Variants in TMEM245 observed in about 807,000 individuals in gnomAD.
TMEM245 encodes protein CG-2.
TMEM245 carries 69 observed loss-of-function variants against 101.2 expected under a neutral mutation model. The observed-to-expected ratio is 0.68, with a 90% confidence interval of 0.56 to 0.83. TMEM245 has a LOEUF of 0.83. Ranked by LOEUF, TMEM245 falls within the 40% of genes least tolerant of loss-of-function variation. The probability of loss-of-function intolerance (pLI) is 0.00; values close to 1 mark genes in which losing one functional copy is unlikely to be tolerated. For synonymous variants in TMEM245, 537 were observed against 449.8 expected, an observed-to-expected ratio of 1.19 and a Z score of -2.45; for missense variants, 1,075 against 1,092.8, an observed-to-expected ratio of 0.98 and a Z score of 0.23.
chr9:109,082,916 T>C (rs547683849), intron 7 of TMEM245, among the ~76,000 whole-genome samples: 8 of 152,214 alleles, frequency 5.3e-5, no homozygotes, highest in Non-Finnish European at 7.4e-5. Flanking sequence ...GGATGTTTCA[T>C]TGAAATTTAA....
At position 109,087,458 on chromosome 9, in the gene TMEM245, G is replaced by A. The variant is rs1028476313; in HGVS notation, c.1151-116C>T. On this transcript the variant is annotated intron_variant, in intron 5 of 17. Coordinates refer to ENST00000374586, the MANE Select transcript of TMEM245 (RefSeq NM_032012.4). ...AAAACAACAAAGCTAGTATTAAAAA[G>A]AAGATCAATGTTAAAAAGCAGGGTG... The A allele has an allele frequency of 2.6e-5, 27 of 1,041,948 alleles. No individual in the cohort carries two copies. The African/African-American group carries it at 4.4e-4, about 17-fold the overall frequency. 64.5% of individuals were successfully genotyped at this position (1,041,948 alleles called of 1,614,324 possible).
chr9:109,057,308 A>G lies in TMEM245; in HGVS notation c.1737T>C (p.Ser579=). 1 of 1,614,056 alleles carries G rather than the reference A, an allele frequency of 6.2e-7. No homozygotes were observed. Residue 579 remains serine (S), a synonymous_variant, in exon 12 of 18, where the codon TCT becomes TCC. Coordinates refer to ENST00000374586, the MANE Select transcript of TMEM245 (RefSeq NM_032012.4). ...HSWFVKNVTH[S]GRHKGQKLHV... Reference sequence around the variant, plus strand: ...GCAACTTCTGTCCTTTGTGCCTTCCAGAGTGTGTTACATTCTATGGAATAA... The same window carrying G: ...GCAACTTCTGTCCTTTGTGCCTTCCGGAGTGTGTTACATTCTATGGAATAA...
chr9:109,031,463 T>C (rs562970237), intron 17 of TMEM245, among the ~76,000 whole-genome samples: 54 of 152,226 alleles, frequency 3.5e-4, no homozygotes, highest in Middle Eastern at 3.4e-3. Flanking sequence ...CATCCAACAA[T>C]ATGAATGAAT....
intron 1 of TMEM245, among the ~76,000 whole-genome samples, chr9:109,115,922 G>C (rs542191055): frequency 2.6e-5 from 4 of 152,272 alleles, no homozygotes; most frequent in East Asian, 3.9e-4. Flanking sequence ...GATAACAGCA[G>C]GACTTCAACT....
At chr9:109,052,734 A>G (rs1386345329) in intron 12 of TMEM245, among the ~76,000 whole-genome samples, 1 of 152,222 alleles carries the variant, frequency 6.6e-6, no homozygotes, top group African/African-American at 2.4e-5. Context: ...GTTCCAAGAA[A>G]CAAGCCAACA....
At chr9:109,107,218 T>C (rs1830451574) in intron 2 of TMEM245, among the ~76,000 whole-genome samples, 1 of 150,006 alleles carries the variant, frequency 6.7e-6, no homozygotes, top group Non-Finnish European at 1.5e-5. Flanking sequence ...TGAAATCCCA[T>C]CTCCACTAAA....
chr9:109,020,477 T>A lies in TMEM245; in HGVS notation c.2623A>T (p.Lys875Ter), dbSNP rs367627454. The part of the protein sequence containing the change: ...RTFRDISEDL[K>*]SSVG ...AAACCACATCAACCTACTGAAGATT[T>A]CAGATCTTCAGAAATGTCACGGAAA... Residue 875 changes from lysine to a stop codon, truncating the protein, a stop_gained, in exon 18 of 18, where the codon AAA becomes TAA. Coordinates refer to ENST00000374586, the MANE Select transcript of TMEM245 (RefSeq NM_032012.4). LOFTEE classifies it high-confidence loss of function. The A allele has an allele frequency of 4.3e-6, 7 of 1,613,990 alleles. No homozygotes were observed. The highest frequency in any genetic ancestry group is 1.7e-5 in the Admixed American group (1 of 60,006).
At chr9:109,058,381 T>C (rs959576195) in intron 11 of TMEM245, among the ~76,000 whole-genome samples, 2 of 152,030 alleles carry the variant, frequency 1.3e-5, no homozygotes, top group African/African-American at 4.8e-5. Flanking sequence ...CGTAAGGCAG[T>C]AAATAGAATT....
intron 15 of TMEM245, among the ~76,000 whole-genome samples, chr9:109,037,459 G>C (rs117874720): frequency 6.6e-6 from 1 of 152,194 alleles, no homozygotes; most frequent in South Asian, 2.1e-4. Flanking sequence ...CAATGTTGGA[G>C]GTAAAACCTG....
At chr9:109,112,118 A>G (rs1191789119) in intron 1 of TMEM245, among the ~76,000 whole-genome samples, 1 of 152,200 alleles carries the variant, frequency 6.6e-6, no homozygotes, top group Non-Finnish European at 1.5e-5. Context: ...TTATACAATT[A>G]CCAATGGTTA....
At chr9:109,112,241 G>C (rs953572818) in intron 1 of TMEM245, among the ~76,000 whole-genome samples, 1 of 152,096 alleles carries the variant, frequency 6.6e-6, no homozygotes, top group African/African-American at 2.4e-5. Flanking sequence ...TACTGTAGCA[G>C]TATTAAAAAG....
At chr9:109,104,218 A>C (rs763584437) in intron 3 of TMEM245, among the ~76,000 whole-genome samples, 1 of 152,238 alleles carries the variant, frequency 6.6e-6, no homozygotes, top group African/African-American at 2.4e-5. Context: ...ACAAAGGATA[A>C]ATACTTGAGG....
At chr9:109,022,680 A>G (rs1827667827) in intron 17 of TMEM245, among the ~76,000 whole-genome samples, 1 of 152,034 alleles carries the variant, frequency 6.6e-6, no homozygotes, top group African/African-American at 2.4e-5. Flanking sequence ...CTAGATAGCT[A>G]TTTTTCACAG....
At chr9:109,039,802 T>C (rs772375846) in intron 14 of TMEM245, among the ~76,000 whole-genome samples, 2 of 148,412 alleles carry the variant, frequency 1.3e-5, no homozygotes, top group Admixed American at 6.7e-5. Context: ...AGGGAGAAGG[T>C]AGGTTTTGAG....
At chr9:109,088,029 T>C (rs1352413681) in intron 5 of TMEM245, among the ~76,000 whole-genome samples, 1 of 152,200 alleles carries the variant, frequency 6.6e-6, no homozygotes, top group Admixed American at 6.5e-5. Flanking sequence ...GAAGTGGCTC[T>C]TTAAGCAGAG....
chr9:109,020,608 T>C, intron 17 of TMEM245, 103 bp from the exon 18 acceptor site: 1 of 1,037,592 alleles, frequency 9.6e-7, no homozygotes. Context: ...CACTATTTTT[T>C]CTTAAGATTT....
At chr9:109,081,750 A>T (rs1235264820) in intron 7 of TMEM245, among the ~76,000 whole-genome samples, 1 of 152,196 alleles carries the variant, frequency 6.6e-6, no homozygotes, top group African/African-American at 2.4e-5. Flanking sequence ...TTATGACATG[A>T]CTATAATTGA....
intron 3 of TMEM245, among the ~76,000 whole-genome samples, chr9:109,102,076 T>C (rs1830296041): frequency 6.6e-6 from 1 of 151,982 alleles, no homozygotes; most frequent in Non-Finnish European, 1.5e-5. Context: ...TGCCATTAGG[T>C]GAAAGAAAAC....
chr9:109,026,744 G>C (rs536450515), intron 17 of TMEM245, among the ~76,000 whole-genome samples: 3 of 151,728 alleles, frequency 2.0e-5, no homozygotes, highest in Non-Finnish European at 2.9e-5. Context: ...AGTGGGAGGT[G>C]TTTGGGCCAC....
Sources: allele counts gnomAD v4.1 joint callset (sites outside exome capture counted in the v4.1 genomes callset), GRCh38; gene constraint gnomAD v4.1.1; transcripts MANE v1.5; gene names NCBI Gene and HGNC (gene_info 2026-07-23, HGNC 2026-07-21).